Variants in TJP1 observed in about 807,000 individuals in gnomAD.
The protein encoded by TJP1 is tight junction protein ZO-1.
A neutral mutation model predicts 194.2 loss-of-function variants in TJP1; 43 were observed. The ratio of observed to expected loss-of-function variants is 0.22; its 90% CI spans 0.17 to 0.29. The LOEUF is 0.29. Ranked by LOEUF, TJP1 falls within the 10% of genes least tolerant of loss-of-function variation. The pLI is 1.00. For missense variants in TJP1, 1,971 were observed against 2,185.7 expected (o/e 0.90, Z 1.96); for synonymous variants, 801 against 779.0 (o/e 1.03, Z -0.47).
intron 8 of TJP1, among the ~76,000 whole-genome samples, chr15:29,743,247 A>G (rs2044544340): frequency 6.6e-6 from 1 of 152,216 alleles, no homozygotes; most frequent in South Asian, 2.1e-4. Flanking sequence ...TATATCAACA[A>G]AAGTGATTAC....
chr15:29,923,559 A>C (rs761813195), intron 2 of TJP1, among the ~76,000 whole-genome samples: 1 of 152,210 alleles, frequency 6.6e-6, no homozygotes, highest in Non-Finnish European at 1.5e-5. Context: ...CCAGACACAA[A>C]GGACCATATA....
At chr15:29,800,275 T>C (rs2048696824) in intron 2 of TJP1, among the ~76,000 whole-genome samples, 1 of 152,248 alleles carries the variant, frequency 6.6e-6, no homozygotes, top group Non-Finnish European at 1.5e-5. Context: ...GATTTTATTA[T>C]GCATACAACC....
At chr15:29,803,564 A>G (rs898473965) in intron 1 of TJP1, among the ~76,000 whole-genome samples, 12 of 152,308 alleles carry the variant, frequency 7.9e-5, no homozygotes, top group Admixed American at 6.5e-4. Context: ...ACATTGTTCT[A>G]AGTGAGCTGA....
chr15:29,957,545 T>G (rs2055993696), intron 1 of TJP1, among the ~76,000 whole-genome samples: 1 of 152,242 alleles, frequency 6.6e-6, no homozygotes, highest in Admixed American at 6.5e-5. Flanking sequence ...CATTTTTCAC[T>G]TAATATATCT....
chr15:29,967,445 T>C (rs980938243), intron 1 of TJP1, among the ~76,000 whole-genome samples: 4 of 152,052 alleles, frequency 2.6e-5, no homozygotes, highest in African/African-American at 9.7e-5. Flanking sequence ...CCAAGCACAG[T>C]GGTAGACACC....
intron 18 of TJP1, among the ~76,000 whole-genome samples, chr15:29,724,784 C>T (rs1273445766): frequency 6.6e-6 from 1 of 152,176 alleles, no homozygotes. Context: ...TTCTGGCTTA[C>T]AAAATGCATC....
chr15:29,836,312 C>T (rs564675470), intron 2 of TJP1, among the ~76,000 whole-genome samples: 4 of 150,416 alleles, frequency 2.7e-5, no homozygotes, highest in Non-Finnish European at 5.9e-5. Context: ...CTTGCTCTGT[C>T]GCCAGGCTGG....
In TJP1 at chr15:29,852,481, A is replaced by C. The variant is rs76572142; in HGVS notation, c.307-51779T>G. 7.0e-3 allele frequency among the ~76,000 whole-genome samples: 1,066 copies of C among 152,268 alleles called. 16 individuals are homozygous for C. Among genetic ancestry groups the C allele is most frequent in the African/African-American group, 0.024 (1,018 of 41,560 alleles). ...CCAAGTGTGGAGAGGATGTGAAAAA[A>C]TTGGATCACTTGTACATTGCTGGGA... On this transcript the variant is annotated intron_variant, in intron 2 of 28. Coordinates refer to the TJP1 transcript ENST00000356107.
intron 2 of TJP1, among the ~76,000 whole-genome samples, chr15:29,839,740 C>A (rs2051157961): frequency 6.6e-6 from 1 of 152,178 alleles, no homozygotes. Context: ...AATAACTCTT[C>A]ATTTCTCTGG....
chr15:29,867,027 C>T (rs2052331324), intron 2 of TJP1, among the ~76,000 whole-genome samples: 1 of 152,194 alleles, frequency 6.6e-6, no homozygotes, highest in Non-Finnish European at 1.5e-5. Flanking sequence ...CCTATGCTTC[C>T]AGTTGTTTCT....
intron 8 of TJP1, among the ~76,000 whole-genome samples, chr15:29,752,261 CCTAG>C (rs1429528543): frequency 6.6e-6 from 1 of 152,120 alleles, no homozygotes; most frequent in Non-Finnish European, 1.5e-5. Flanking sequence ...CGCCACCACG[CCTAG>C]CTAATTTTGG....
At chr15:29,751,482 C>T (rs186913752) in intron 8 of TJP1, among the ~76,000 whole-genome samples, 13 of 152,254 alleles carry the variant, frequency 8.5e-5, no homozygotes, top group Non-Finnish European at 1.6e-4. Flanking sequence ...TTAATCTAGT[C>T]CATCCGCATT....
chr15:29,868,992 A>G (rs1473772505), intron 2 of TJP1, among the ~76,000 whole-genome samples: 1 of 152,206 alleles, frequency 6.6e-6, no homozygotes, highest in Non-Finnish European at 1.5e-5. Flanking sequence ...TTCATTTTCT[A>G]TAAAGGTATA....
chr15:29,957,796 G>C lies in TJP1; in HGVS notation c.174-1432C>G, dbSNP rs543425180. On this transcript the variant is annotated intron_variant, in intron 1 of 28. Transcript: ENST00000356107. ...CTCAAAGTAGAAAGGCAGAGTCAGA[G>C]ATGGGAGTTTCCTACATGCTGATAG... Among the ~76,000 whole-genome samples the C allele has an allele frequency of 2.0e-5, 3 of 152,344 alleles. No individual in the cohort carries two copies. In the South Asian group the frequency reaches 6.2e-4, roughly 32 times the overall value.
chr15:29,927,213 A>G (rs1258292958), intron 2 of TJP1, among the ~76,000 whole-genome samples: 3 of 152,020 alleles, frequency 2.0e-5, no homozygotes, highest in African/African-American at 7.2e-5. Flanking sequence ...CCAGCTATTC[A>G]GGAGGCTGAG....
At chr15:29,941,584 C>T (rs1251331950) in intron 2 of TJP1, among the ~76,000 whole-genome samples, 5 of 152,178 alleles carry the variant, frequency 3.3e-5, no homozygotes, top group African/African-American at 1.2e-4. Context: ...CCTCTGCCCC[C>T]TCAACACCTC....
At chr15:29,749,421 A>C (rs943587362) in intron 8 of TJP1, among the ~76,000 whole-genome samples, 19 of 152,160 alleles carry the variant, frequency 1.2e-4, no homozygotes. Flanking sequence ...TTCAAGTAAA[A>C]AACTTTGGTT....
chr15:29,732,362 G>C, intron 15 of TJP1, 71 bp downstream of exon 15: 1 of 1,276,420 alleles, frequency 7.8e-7, no homozygotes, highest in Non-Finnish European at 1.1e-6. Context: ...TATTGAATGA[G>C]TGAATCAGAA....
At chr15:29,815,862 C>G (rs1195587028) in intron 1 of TJP1, among the ~76,000 whole-genome samples, 1 of 152,124 alleles carries the variant, frequency 6.6e-6, no homozygotes, top group Admixed American at 6.5e-5. Flanking sequence ...AAAGTCAGAG[C>G]CAGACCTTGT....
Sources: gnomAD v4.1 joint callset for allele counts (sites outside exome capture counted in the v4.1 genomes callset) on GRCh38, gnomAD v4.1.1 for gene constraint, MANE v1.5 for transcripts, NCBI Gene and HGNC (gene_info 2026-07-23, HGNC 2026-07-21) for gene names.